EPHB1: variants seen among roughly 807,000 people sequenced by gnomAD.
EPHB1 encodes EPH receptor B1.
A neutral mutation model predicts 94.4 loss-of-function variants in EPHB1; 30 were observed. That is an observed-to-expected ratio of 0.32 (90% CI 0.24 to 0.43). The LOEUF (loss-of-function observed/expected upper bound fraction) is 0.43. EPHB1 is among the 20% of genes least tolerant of loss of function. The pLI, the probability that EPHB1 is intolerant of heterozygous loss-of-function variation, is 1.00. For synonymous variants in EPHB1, 522 were observed against 489.1 expected (o/e 1.07, Z -0.89); for missense variants, 1,055 against 1,308.3 (o/e 0.81, Z 2.99).
chr3:134,824,167 G>A (rs531996924), intron 1 of EPHB1, among the ~76,000 whole-genome samples: 1 of 115,820 alleles, frequency 8.6e-6, no homozygotes, highest in Non-Finnish European at 1.7e-5. Flanking sequence ...CCTAGCTCTT[G>A]CACTTGACTA....
At chr3:135,112,674 A>G (rs1049865120) in intron 4 of EPHB1, among the ~76,000 whole-genome samples, 1 of 151,344 alleles carries the variant, frequency 6.6e-6, no homozygotes, top group African/African-American at 2.4e-5. Flanking sequence ...TTTGCTGAGA[A>G]TGATGGTTTC....
intron 1 of EPHB1, among the ~76,000 whole-genome samples, chr3:134,854,539 G>A (rs970883261): frequency 2.0e-5 from 3 of 152,162 alleles, no homozygotes; most frequent in African/African-American, 7.2e-5. Context: ...GGGTGTCACT[G>A]ACAGCATTCA....
intron 5 of EPHB1, among the ~76,000 whole-genome samples, chr3:135,135,625 C>T (rs1940594297): frequency 6.6e-6 from 1 of 152,190 alleles, no homozygotes; most frequent in Non-Finnish European, 1.5e-5. Flanking sequence ...TCCACTCTAG[C>T]TCACACTGGG....
intron 3 of EPHB1, among the ~76,000 whole-genome samples, chr3:134,963,422 T>G (rs2107722965): frequency 6.6e-6 from 1 of 152,266 alleles, no homozygotes; most frequent in South Asian, 2.1e-4. Flanking sequence ...CACATTCCAC[T>G]GCCACTGATG....
intron 1 of EPHB1, among the ~76,000 whole-genome samples, chr3:134,877,672 T>C (rs2037644273): frequency 6.6e-6 from 1 of 152,220 alleles, no homozygotes. Context: ...AGTTGTTCCC[T>C]ATAACACCTT....
chr3:134,828,627 G>A (rs879637071), intron 1 of EPHB1, among the ~76,000 whole-genome samples: 6 of 152,198 alleles, frequency 3.9e-5, no homozygotes, highest in Admixed American at 6.5e-5. Flanking sequence ...TCTGCCTAGC[G>A]CTATTTCCAT....
chr3:135,233,570 A>G (rs112280261), intron 12 of EPHB1, among the ~76,000 whole-genome samples: 9,645 of 152,150 alleles, frequency 0.063, 413 homozygotes, highest in African/African-American at 0.1. Flanking sequence ...CTACCATTCT[A>G]GGGTCTGGAG....
intron 7 of EPHB1, among the ~76,000 whole-genome samples, chr3:135,163,169 C>T (rs570691515): frequency 2.6e-4 from 40 of 152,156 alleles, no homozygotes; most frequent in Non-Finnish European, 4.1e-4. Context: ...TATCTTGATG[C>T]ACATTGTATT....
At chr3:135,111,093 T>C (rs1939424718) in intron 4 of EPHB1, among the ~76,000 whole-genome samples, 1 of 152,194 alleles carries the variant, frequency 6.6e-6, no homozygotes, top group Non-Finnish European at 1.5e-5. Context: ...CCATAGAGCA[T>C]TGTGGGTCTG....
chr3:135,209,920 G>T (rs1462653513), intron 12 of EPHB1, among the ~76,000 whole-genome samples: 1 of 152,202 alleles, frequency 6.6e-6, no homozygotes, highest in African/African-American at 2.4e-5. Context: ...AGAAGTTCTA[G>T]TGGGGTGATG....
chr3:135,005,202 G>A (rs990594263), intron 3 of EPHB1, among the ~76,000 whole-genome samples: 5 of 152,200 alleles, frequency 3.3e-5, no homozygotes, highest in Non-Finnish European at 5.9e-5. Context: ...CTGCAGGTCT[G>A]TTGGAGTACC....
intron 2 of EPHB1, among the ~76,000 whole-genome samples, chr3:134,930,354 C>A (rs1235845964): frequency 6.6e-6 from 1 of 152,250 alleles, no homozygotes; most frequent in African/African-American, 2.4e-5. Flanking sequence ...CAGCACCCTG[C>A]CTTTCATTGA....
chr3:135,087,651 A>C (rs1013312796), intron 3 of EPHB1, among the ~76,000 whole-genome samples: 1 of 152,184 alleles, frequency 6.6e-6, no homozygotes, highest in Non-Finnish European at 1.5e-5. Context: ...TAGGATATCC[A>C]TGCACAATAA....
chr3:135,079,613 C>T (rs999693959), intron 3 of EPHB1, among the ~76,000 whole-genome samples: 5 of 152,182 alleles, frequency 3.3e-5, no homozygotes, highest in African/African-American at 9.6e-5. Context: ...GGAGTCCTGC[C>T]GTCCTGAGCT....
intron 3 of EPHB1, among the ~76,000 whole-genome samples, chr3:135,001,196 G>A (rs1035303634): frequency 2.0e-5 from 3 of 152,100 alleles, no homozygotes; most frequent in Admixed American, 6.5e-5. Flanking sequence ...ACAGCCAGGC[G>A]GGGGAGCCTG....
At chr3:134,963,207 T>C (rs1933599067) in intron 3 of EPHB1, among the ~76,000 whole-genome samples, 1 of 151,108 alleles carries the variant, frequency 6.6e-6, no homozygotes. Flanking sequence ...TCTGTACTTT[T>C]GTTTTAAAGT....
At chr3:134,823,280 A>T (rs1010003876) in intron 1 of EPHB1, among the ~76,000 whole-genome samples, 4 of 152,240 alleles carry the variant, frequency 2.6e-5, no homozygotes, top group Non-Finnish European at 5.9e-5. Flanking sequence ...TAGCTGGCAG[A>T]TCGCAGGAGC....
intron 1 of EPHB1, among the ~76,000 whole-genome samples, chr3:134,904,250 G>A (rs747846878): frequency 1.1e-4 from 16 of 152,168 alleles, no homozygotes; most frequent in African/African-American, 9.7e-5. Flanking sequence ...GCAACACATC[G>A]CCTGTTTGCT....
At chr3:135,056,310 G>A (rs564857204) in intron 3 of EPHB1, among the ~76,000 whole-genome samples, 3 of 152,328 alleles carry the variant, frequency 2.0e-5, no homozygotes, top group South Asian at 2.1e-4. Context: ...CTGCCAGGCC[G>A]CATCATCTCT....
Sources: gnomAD v4.1 joint callset for allele counts (sites outside exome capture counted in the v4.1 genomes callset) on GRCh38, gnomAD v4.1.1 for gene constraint, MANE v1.5 for transcripts, NCBI Gene and HGNC (gene_info 2026-07-23, HGNC 2026-07-21) for gene names.